Variants in GSDMB observed in about 807,000 individuals in gnomAD.
GSDMB encodes the protein gasdermin-B.
GSDMB carries 32 observed loss-of-function variants against 42.9 expected under a neutral mutation model. The observed-to-expected ratio is 0.75, with a 90% CI of 0.56 to 1.00. The LOEUF (loss-of-function observed/expected upper bound fraction) is 1.00, where lower values mean the gene tolerates loss of function less well. Ranked by LOEUF, GSDMB falls within the 50% of genes least tolerant of loss-of-function variation. The pLI, the probability that GSDMB is intolerant of heterozygous loss-of-function variation, is 0.00. For missense variants in GSDMB, 468 were observed against 498.5 expected, an observed-to-expected ratio of 0.94 and a Z score of 0.58; for synonymous variants, 175 against 193.7, an observed-to-expected ratio of 0.90 and a Z score of 0.80.
At chr17:39,914,469 A>G (rs559362863) in intron 2 of GSDMB, among the ~76,000 whole-genome samples, 2 of 152,172 alleles carry the variant, frequency 1.3e-5, no homozygotes, top group Non-Finnish European at 2.9e-5. Flanking sequence ...GGTCAAAACT[A>G]AGATAACATG....
intron 10 of GSDMB, 45 bp from the exon 11 acceptor site, chr17:39,905,009 T>C: frequency 3.9e-6 from 6 of 1,556,984 alleles, no homozygotes; most frequent in Non-Finnish European, 5.3e-6. Context: ...AACAACGATA[T>C]ACCAGAAATG....
chr17:39,917,584 C>CT, intron 1 of GSDMB: 1 of 186,152 alleles, frequency 5.4e-6, no homozygotes. Flanking sequence ...ATATAGTCTC[C>CT]CCGCCGCCGC....
chr17:39,905,809 C>G (rs1372530917), intron 9 of GSDMB, 38 bp downstream of exon 9: 3 of 1,608,022 alleles, frequency 1.9e-6, no homozygotes, highest in Non-Finnish European at 2.5e-6. Flanking sequence ...TCTGCTCACA[C>G]TTCCTCCACC....
Position 39,917,565 on chromosome 17 carries a change from C to G in GSDMB, c.-14-235G>C, listed in dbSNP as rs1180510558. 3 of 456,312 alleles carry G rather than the reference C, an allele frequency of 6.6e-6. No homozygotes were observed. In the African/African-American group the frequency reaches 7.0e-5, roughly 11 times the overall value. 28.3% of individuals were successfully genotyped at this position (456,312 alleles called of 1,614,324 possible). ...CCATTGTGATTTGTTCCTGCCCCAC[C>G]CTGATACAATATAGTCTCCCCGCCG... On this transcript the variant is annotated intron_variant, in intron 1 of 10. Coordinates refer to ENST00000418519, the MANE Select transcript of GSDMB (RefSeq NM_001165958.2).
intron 6 of GSDMB, 104 bp downstream of exon 6, chr17:39,908,072 G>C (rs972619154): frequency 4.0e-6 from 3 of 743,312 alleles, no homozygotes; most frequent in South Asian, 1.5e-5. Context: ...CTGTGGGTGC[G>C]TCTTACCACA....
chr17:39,913,188 G>A (rs2063645579), intron 2 of GSDMB, among the ~76,000 whole-genome samples: 1 of 152,148 alleles, frequency 6.6e-6, no homozygotes, highest in East Asian at 1.9e-4. Flanking sequence ...ATATAATGAT[G>A]TAGTTAAGCA....
At chr17:39,909,122 G>T in intron 4 of GSDMB, 80 bp from the exon 5 acceptor site, 1 of 810,876 alleles carries the variant, frequency 1.2e-6, no homozygotes, top group Non-Finnish European at 2.0e-6. Flanking sequence ...ACAATCCTGT[G>T]AGGCAGTCAT....
chr17:39,905,532 A>G (rs1324972291), intron 9 of GSDMB, 36 bp from the exon 10 acceptor site: 3 of 1,525,438 alleles, frequency 2.0e-6, no homozygotes, highest in Non-Finnish European at 2.7e-6. Context: ...AAGGAGAGAT[A>G]TATGGTGGGA....
chr17:39,904,684 A>C lies in GSDMB; in HGVS notation c.*128T>G. 1 of 737,724 alleles carries C rather than the reference A, an allele frequency of 1.4e-6. No homozygotes were observed. The highest frequency in any genetic ancestry group is 2.3e-6 in the Non-Finnish European group (1 of 442,918). The allele number at this position is 737,724 out of a possible 1,614,324, so 45.7% of individuals were successfully genotyped here. The stretch of plus-strand genomic sequence containing the variant: ...TGTTAACATGGAGCGAATGGGATAC[A>C]TCAAAGAATGGTTGGCTGCTTGTTT... On this transcript the variant is annotated 3_prime_UTR_variant, in exon 11 of 11. Transcript: ENST00000418519.
intron 3 of GSDMB, among the ~76,000 whole-genome samples, chr17:39,910,804 G>A (rs1010983758): frequency 2.6e-5 from 4 of 152,198 alleles, no homozygotes; most frequent in East Asian, 1.9e-4. Context: ...CCCTGCCTCC[G>A]ATGACTTTCC....
chr17:39,914,176 C>T (rs1335725535), intron 2 of GSDMB, among the ~76,000 whole-genome samples: 1 of 152,178 alleles, frequency 6.6e-6, no homozygotes, highest in Non-Finnish European at 1.5e-5. Flanking sequence ...GTCATGTTGA[C>T]AGTACGTACC....
At chr17:39,905,541 G>T in intron 9 of GSDMB, 45 bp from the exon 10 acceptor site, 1 of 1,466,856 alleles carries the variant, frequency 6.8e-7, no homozygotes, top group Non-Finnish European at 9.5e-7. Context: ...TATATGGTGG[G>T]ACAGGGCCTC....
At chr17:39,912,728 G>T (rs1270090179) in intron 2 of GSDMB, among the ~76,000 whole-genome samples, 1 of 152,198 alleles carries the variant, frequency 6.6e-6, no homozygotes, top group African/African-American at 2.4e-5. Flanking sequence ...CTTACCACAT[G>T]ACCTTGGGTA....
intron 5 of GSDMB, among the ~76,000 whole-genome samples, chr17:39,908,737 T>C (rs980068748): frequency 2.6e-5 from 4 of 152,290 alleles, no homozygotes; most frequent in East Asian, 3.9e-4. Context: ...TCTTATGTCA[T>C]GTTCAGGCAA....
At chr17:39,905,079 T>C (rs2063480042) in intron 10 of GSDMB, 115 bp from the exon 11 acceptor site, 5 of 859,558 alleles carry the variant, frequency 5.8e-6, no homozygotes, top group African/African-American at 1.7e-5. Flanking sequence ...TAATCCATCA[T>C]GGCACTCTTT....
At chr17:39,917,439 G>C (rs2063733371) in intron 1 of GSDMB, 109 bp from the exon 2 acceptor site, 1 of 679,042 alleles carries the variant, frequency 1.5e-6, no homozygotes, top group South Asian at 1.7e-5. Flanking sequence ...CCCAAGCTAA[G>C]CCATCATATT....
rs1485462154 is a variant in GSDMB, at chr17:39,909,073, C to G, written c.577-31G>C. On this transcript the variant is annotated intron_variant, in intron 4 of 10. Transcript: ENST00000418519. ...AAAAGGAGCTCACATTGACGGATCC[C>G]CAGGTGTTTCTACATCATTATCTTG... The G allele has an allele frequency of 2.3e-6, 3 of 1,305,130 alleles. No individual in the cohort carries two copies. The African/African-American group carries it at 4.5e-5, about 20-fold the overall frequency. 80.8% of individuals were successfully genotyped at this position (1,305,130 alleles called of 1,614,324 possible).
intron 10 of GSDMB, chr17:39,905,217 C>T: frequency 1.7e-6 from 1 of 605,096 alleles, no homozygotes; most frequent in Admixed American, 2.9e-5. Context: ...CCTCTCTTGC[C>T]CACAGATAAA....
Position 39,906,193 on chromosome 17 carries a change from G to A in GSDMB, c.806C>T (p.Thr269Ile). The A allele has an allele frequency of 6.2e-7, 1 of 1,613,908 alleles. No individual in the cohort carries two copies. Among genetic ancestry groups the A allele is most frequent in the African/African-American group, 1.3e-5 (1 of 75,018 alleles). The change falls in exon 8 of 11, where the codon ACA becomes ATA. Residue 269 changes from threonine to isoleucine, a missense_variant. Physicochemically the swap from Thr to Ile is moderately conservative, Grantham distance 89 (BLOSUM62 -1). Transcript: ENST00000418519. ...EDMESVLKDL[T>I]EEKRKDVLNS... ...TAGCACATCTTTTCTCTTCTCCTCT[G>A]TCAGGTCCTTGAGGACACTCTCCAT...
Sources: gnomAD v4.1 joint callset for allele counts (sites outside exome capture counted in the v4.1 genomes callset) on GRCh38, gnomAD v4.1.1 for gene constraint, MANE v1.5 for transcripts, NCBI Gene and HGNC (gene_info 2026-07-23, HGNC 2026-07-21) for gene names.